Variants in ANK3 observed in about 807,000 individuals in gnomAD.
The protein encoded by ANK3 is ankyrin-3.
In ANK3, 57 loss-of-function variants were observed where a neutral mutation model predicts 370.9. The ratio of observed to expected loss-of-function variants is 0.15; its 90% CI spans 0.12 to 0.19. The LOEUF (loss-of-function observed/expected upper bound fraction) is 0.19, where lower values mean the gene tolerates loss of function less well. ANK3 is among the 10% of genes least tolerant of loss of function. The pLI is 1.00. For missense variants in ANK3, 4,439 were observed against 5,302.1 expected (o/e 0.84, Z 5.06); for synonymous variants, 1,929 against 1,946.3 (o/e 0.99, Z 0.23).
intron 1 of ANK3, among the ~76,000 whole-genome samples, chr10:60,702,964 C>T (rs186200258): frequency 3.3e-4 from 50 of 152,212 alleles, no homozygotes; most frequent in Non-Finnish European, 5.9e-4. Context: ...AATAAAAGAA[C>T]TTATTCAATG....
At chr10:60,430,351 G>T (rs779280147) in intron 2 of ANK3, among the ~76,000 whole-genome samples, 1 of 151,878 alleles carries the variant, frequency 6.6e-6, no homozygotes. Context: ...ACCAAACATT[G>T]TCATTCCCCT....
Position 60,072,570 on chromosome 10 carries a change from T to C in ANK3, c.8311A>G (p.Ile2771Val). The change falls in exon 37 of 44, where the codon ATA (isoleucine) becomes GTA (valine). Residue 2771 changes from isoleucine to valine, a missense_variant. Physicochemically the swap from Ile to Val is conservative, Grantham distance 29 (BLOSUM62 3). This residue lies in a region of ANK3 where 1,601 missense variants were observed against 1,731.7 expected (regional missense o/e 0.92). Coordinates refer to ENST00000280772, the MANE Select transcript of ANK3 (RefSeq NM_020987.5). The stretch of plus-strand genomic sequence containing the variant: ...GATACACTTTCATCTGGGAGGTCTA[T>C]GGCCTTCTGCTGTTTTTCTCTAGCA... ...VFAREKQQKA[I>V]DLPDESVSVQ... 1 of 1,613,712 alleles carries C rather than the reference T, an allele frequency of 6.2e-7. No individual in the cohort carries two copies. Among genetic ancestry groups the C allele is most frequent in the Non-Finnish European group, 8.5e-7 (1 of 1,179,898 alleles).
chr10:60,249,216 A>G (rs2097605768), intron 7 of ANK3, among the ~76,000 whole-genome samples: 1 of 152,206 alleles, frequency 6.6e-6, no homozygotes, highest in Non-Finnish European at 1.5e-5. Flanking sequence ...GGAGGAATCA[A>G]TTACTTACTC....
intron 42 of ANK3, chr10:60,044,497 C>CTGACAGTTAT: frequency 4.6e-6 from 1 of 219,702 alleles, no homozygotes; most frequent in Non-Finnish European, 7.7e-6. Flanking sequence ...GCTGACTTCA[C>CTGACAGTTAT]TGACAGTTAT....
intron 8 of ANK3, among the ~76,000 whole-genome samples, chr10:60,215,209 G>A (rs1022544916): frequency 1.3e-5 from 2 of 151,916 alleles, no homozygotes; most frequent in Admixed American, 1.3e-4. Context: ...TGATGGGGTT[G>A]TTTTTTTCTT....
chr10:60,438,477 A>G (rs545053832), intron 2 of ANK3, among the ~76,000 whole-genome samples: 1 of 152,324 alleles, frequency 6.6e-6, no homozygotes, highest in East Asian at 1.9e-4. Context: ...CCCACATCCC[A>G]GCATCCAGTA....
At chr10:60,713,421 G>A (rs1348986955) in intron 1 of ANK3, among the ~76,000 whole-genome samples, 1 of 152,078 alleles carries the variant, frequency 6.6e-6, no homozygotes, top group Non-Finnish European at 1.5e-5. Flanking sequence ...TGAAAATAAA[G>A]ATGCAACTTA....
chr10:60,080,771 C>A (rs760113446), intron 35 of ANK3, among the ~76,000 whole-genome samples, 153 bp from the exon 36 acceptor site: 1 of 152,162 alleles, frequency 6.6e-6, no homozygotes, highest in Non-Finnish European at 1.5e-5. Flanking sequence ...ACCCCACCCC[C>A]CATGTCTTAA....
chr10:60,299,714 G>A (rs1319314924), intron 1 of ANK3, among the ~76,000 whole-genome samples: 1 of 152,154 alleles, frequency 6.6e-6, no homozygotes, highest in Non-Finnish European at 1.5e-5. Context: ...CCTTAAGGGG[G>A]AGATGGCTTA....
chr10:60,032,194 C>CTTTATTTTTTTTTTTTT (rs2073793894), intron 43 of ANK3, among the ~76,000 whole-genome samples: 1 of 43,114 alleles, frequency 2.3e-5, no homozygotes, highest in Non-Finnish European at 4.5e-5. Context: ...TACACAGCTT[C>CTTTATTTTTTTTTTTTT]TTTTTTTTTT....
At chr10:60,664,526 T>C (rs560703404) in intron 1 of ANK3, among the ~76,000 whole-genome samples, 52 of 152,338 alleles carry the variant, frequency 3.4e-4, no homozygotes, top group African/African-American at 1.3e-3. Context: ...TCATGCAAAG[T>C]TAGCCATTGA....
chr10:60,446,307 T>C (rs2064443415), intron 2 of ANK3, among the ~76,000 whole-genome samples: 1 of 152,168 alleles, frequency 6.6e-6, no homozygotes, highest in African/African-American at 2.4e-5. Context: ...TTAAGAAAAT[T>C]GCATCTCAGA....
intron 1 of ANK3, among the ~76,000 whole-genome samples, chr10:60,348,347 CAAAAA>C (rs35147179): frequency 8.8e-4 from 60 of 68,148 alleles, no homozygotes; most frequent in African/African-American, 2.2e-3. Context: ...TATCACTAGC[CAAAAA>C]AAAAAAAAAA....
chr10:60,697,676 G>C (rs1472694392), intron 1 of ANK3, among the ~76,000 whole-genome samples: 4 of 150,678 alleles, frequency 2.7e-5, no homozygotes, highest in Non-Finnish European at 4.4e-5. Context: ...TTTAATAAAT[G>C]GTGCTGGGAA....
intron 1 of ANK3, among the ~76,000 whole-genome samples, chr10:60,656,212 T>C (rs2078860963): frequency 1.3e-5 from 2 of 152,208 alleles, no homozygotes; most frequent in Non-Finnish European, 2.9e-5. Flanking sequence ...AAATTTGCTA[T>C]TTCTTTTTTT....
chr10:60,270,157 C>T lies in ANK3; in HGVS notation c.487G>A (p.Gly163Ser). 6.3e-7 allele frequency: 1 copy of T among 1,597,490 alleles called. No homozygotes were observed. The highest frequency in any genetic ancestry group is 8.5e-7 in the Non-Finnish European group (1 of 1,170,348). Residue 163 changes from glycine (G) to serine (S), a missense_variant, in exon 5 of 44, where the codon GGT becomes AGT. This residue lies in a region of ANK3 where 136 missense variants were observed against 230.5 expected (regional missense o/e 0.59). Transcript: ENST00000280772. ...LEVVKFLLDNGASQSLATEDG... is the reference protein window; with the variant it reads ...LEVVKFLLDNSASQSLATEDG... Reference sequence around the variant, plus strand: ...TCTGTGGCTAGGCTCTGGCTTGCACCATTGTCAAGAAGAAACTTGACAACT... The same window carrying T: ...TCTGTGGCTAGGCTCTGGCTTGCACTATTGTCAAGAAGAAACTTGACAACT...
chr10:60,459,827 C>T (rs932906654), intron 2 of ANK3, among the ~76,000 whole-genome samples: 2 of 152,088 alleles, frequency 1.3e-5, no homozygotes, highest in African/African-American at 2.4e-5. Flanking sequence ...AGACATTTGC[C>T]AATCTCCTTT....
At chr10:60,621,691 T>C (rs1595357674) in intron 1 of ANK3, among the ~76,000 whole-genome samples, 3 of 152,302 alleles carry the variant, frequency 2.0e-5, no homozygotes, top group South Asian at 2.1e-4. Flanking sequence ...GCAATTTTTA[T>C]CTAGTTAAAA....
At chr10:60,279,215 G>T in intron 2 of ANK3, 67 bp from the exon 3 acceptor site, 1 of 1,321,734 alleles carries the variant, frequency 7.6e-7, no homozygotes, top group Non-Finnish European at 1.1e-6. Context: ...AACCGACCAA[G>T]AACTCCTGAG....
Sources: allele counts gnomAD v4.1 joint callset (sites outside exome capture counted in the v4.1 genomes callset), GRCh38; gene constraint gnomAD v4.1.1; regional missense constraint gnomAD v4.1.1; transcripts MANE v1.5; gene names NCBI Gene and HGNC (gene_info 2026-07-23, HGNC 2026-07-21).